Variants in JAG2 observed in about 807,000 individuals in gnomAD.
JAG2 encodes protein jagged-2.
JAG2 carries 46 observed loss-of-function variants against 141.7 expected under a neutral mutation model. The ratio of observed to expected loss-of-function variants is 0.32; its 90% CI spans 0.26 to 0.42. The LOEUF is 0.42. Among genes scored for constraint, JAG2 ranks in the 10% least tolerant of loss-of-function variants. JAG2 has a pLI of 1.00. For synonymous variants in JAG2, 862 were observed against 763.5 expected, an observed-to-expected ratio of 1.13 and a Z score of -2.13; for missense variants, 1,500 against 1,817.5, an observed-to-expected ratio of 0.83 and a Z score of 3.18.
chr14:105,151,115 G>C lies in JAG2; in HGVS notation c.1268-11C>G, dbSNP rs372743058. The stretch of plus-strand genomic sequence containing the variant: ...CACACTCATTGGCGTCTGTGAAAGA[G>C]ACAAGGTGGGAGCCGTGGGGCTCGG... On this transcript the variant is annotated splice_polypyrimidine_tract_variant and intron_variant, in intron 9 of 25. Coordinates refer to ENST00000331782, the MANE Select transcript of JAG2 (RefSeq NM_002226.5). 14 of 1,604,508 alleles carry C rather than the reference G, an allele frequency of 8.7e-6. No homozygotes were observed. The highest frequency in any genetic ancestry group is 1.2e-5 in the Non-Finnish European group (14 of 1,175,792).
At chr14:105,146,296 C>G (rs147034247) in intron 22 of JAG2, 89 bp downstream of exon 22, 4 of 1,200,148 alleles carry the variant, frequency 3.3e-6, no homozygotes, top group Middle Eastern at 2.7e-4. Flanking sequence ...CATCCGGACC[C>G]CAGCACCCGC....
Position 105,145,734 on chromosome 14 carries a change from G to A in JAG2, c.2949C>T (p.Pro983=). Residue 983 remains proline (P), a synonymous_variant, in exon 23 of 26, where the codon CCC becomes CCT. Coordinates refer to ENST00000331782, the MANE Select transcript of JAG2 (RefSeq NM_002226.5). Reference sequence around the variant, plus strand: ...CAGATGCCACCAGGCCCCTCACCTGGGGCACGTGGTCACGGTTGAAATGCA... The same window carrying A: ...CAGATGCCACCAGGCCCCTCACCTGAGGCACGTGGTCACGGTTGAAATGCA... ...LTLHFNRDHV[P]QGTTVGAICS... is the part of the protein sequence containing the mutation. 6.3e-7 allele frequency: 1 copy of A among 1,593,972 alleles called. No homozygotes were observed.
chr14:105,146,338 G>A (rs748804241), intron 22 of JAG2, 47 bp downstream of exon 22: 31 of 1,502,920 alleles, frequency 2.1e-5, no homozygotes, highest in South Asian at 1.1e-4. Context: ...CAGGGTCAGC[G>A]TGCACCAGCC....
intron 3 of JAG2, 144 bp from the exon 4 acceptor site, chr14:105,156,133 C>T (rs1387349846): frequency 5.5e-6 from 6 of 1,093,166 alleles, no homozygotes; most frequent in African/African-American, 1.6e-5. Flanking sequence ...GCAGGGCCCC[C>T]GGCCAGGCTG....
Position 105,154,496 on chromosome 14 carries a change from GC to G in JAG2, c.788+1065del, listed in dbSNP as rs1888523906. ...GCTCCACTCTAGGGCAAAGCTGCCAGCCCCCCTGGCTGGATCCCCCACACTC... is the reference window on the plus strand; with the variant it reads ...GCTCCACTCTAGGGCAAAGCTGCCAGCCCCCTGGCTGGATCCCCCACACTC... On this transcript the variant is annotated intron_variant, in intron 5 of 25. Coordinates refer to ENST00000331782, the MANE Select transcript of JAG2 (RefSeq NM_002226.5). The surrounding 1 kb of genome is among the most constrained non-coding windows in gnomAD (Gnocchi z 4.4). Among the ~76,000 whole-genome samples, 1 of 152,248 alleles carries G rather than the reference GC, an allele frequency of 6.6e-6. No homozygotes were observed. Among genetic ancestry groups the G allele is most frequent in the Non-Finnish European group, 1.5e-5 (1 of 67,998 alleles).
chr14:105,144,504 G>A (rs768894191), intron 24 of JAG2, among the ~76,000 whole-genome samples: 16 of 151,972 alleles, frequency 1.1e-4, no homozygotes, highest in African/African-American at 1.5e-4. Context: ...TCCCCTCTCC[G>A]GGCATGTCTC....
intron 2 of JAG2, among the ~76,000 whole-genome samples, chr14:105,162,127 T>G (rs587753802): frequency 6.6e-6 from 1 of 152,176 alleles, no homozygotes; most frequent in African/African-American, 2.4e-5. Context: ...ACCCATCACC[T>G]GCCCAGGTTC....
chr14:105,148,699 CA>C, intron 15 of JAG2, 45 bp downstream of exon 15: 2 of 1,482,844 alleles, frequency 1.3e-6, no homozygotes, highest in Non-Finnish European at 1.8e-6. Context: ...AAGGGGCCCA[CA>C]GGGGTGGAGG....
intron 2 of JAG2, among the ~76,000 whole-genome samples, chr14:105,165,566 T>C (rs1483128214): frequency 1.3e-5 from 2 of 151,862 alleles, no homozygotes; most frequent in African/African-American, 2.4e-5. Flanking sequence ...CCAGCACAGA[T>C]CCATGACTAA....
intron 4 of JAG2, 34 bp downstream of exon 4, chr14:105,155,704 C>A: frequency 1.2e-6 from 2 of 1,612,476 alleles, no homozygotes; most frequent in Non-Finnish European, 1.7e-6. Flanking sequence ...CCGAGGCCCT[C>A]CCTGCCCTCC....
At position 105,141,975 on chromosome 14, in the gene JAG2, T is replaced by C. The variant is rs1239146726; in HGVS notation, c.*720A>G. Reference sequence around the variant, plus strand: ...AGGAAGGGCACTTCTGAAAGCACAGTGGAGAGATCGCTGGAGCGGGCGTTC... The same window carrying C: ...AGGAAGGGCACTTCTGAAAGCACAGCGGAGAGATCGCTGGAGCGGGCGTTC... On this transcript the variant is annotated 3_prime_UTR_variant, in exon 26 of 26. Coordinates refer to ENST00000331782, the MANE Select transcript of JAG2 (RefSeq NM_002226.5). 6.6e-6 allele frequency: 1 copy of C among 152,450 alleles called. No homozygotes were observed. The highest frequency in any genetic ancestry group is 1.5e-5 in the Non-Finnish European group (1 of 68,102). The allele number at this position is 152,450 out of a possible 1,614,324, so 9.4% of individuals were successfully genotyped here.
At chr14:105,157,892 G>T in intron 2 of JAG2, 129 bp from the exon 3 acceptor site, 1 of 830,618 alleles carries the variant, frequency 1.2e-6, no homozygotes, top group Non-Finnish European at 2.0e-6. Flanking sequence ...TCCCCAGCCA[G>T]GGACCCACCA....
rs1250818300 is a variant in JAG2, at chr14:105,167,307, C to G, written c.417+450G>C. On this transcript the variant is annotated intron_variant, in intron 2 of 25. Transcript: ENST00000331782. This position sits in a 1 kb window ranked among gnomAD's most constrained non-coding sequence, Gnocchi z 4.8. ...GGTCCCACGGCGCCCGCCCGTGCCCCCCAGGCATCCAGGAAACTGCAGGGC... is the reference window on the plus strand; with the variant it reads ...GGTCCCACGGCGCCCGCCCGTGCCCGCCAGGCATCCAGGAAACTGCAGGGC... 6.6e-6 allele frequency among the ~76,000 whole-genome samples: 1 copy of G among 152,134 alleles called. No individual in the cohort carries two copies. Among genetic ancestry groups the G allele is most frequent in the Non-Finnish European group, 1.5e-5 (1 of 68,008 alleles).
chr14:105,164,996 G>C lies in JAG2; in HGVS notation c.417+2761C>G, dbSNP rs1243869120. ...TCCTCATAAGCCCAGATCTGTCACG[G>C]GGACCATGCTCCAGCCACACCACCC... On this transcript the variant is annotated intron_variant, in intron 2 of 25. Coordinates refer to ENST00000331782, the MANE Select transcript of JAG2 (RefSeq NM_002226.5). Among the ~76,000 whole-genome samples, 9 of 152,226 alleles carry C rather than the reference G, an allele frequency of 5.9e-5. No homozygotes were observed. The South Asian group carries it at 1.7e-3, about 28-fold the overall frequency.
intron 18 of JAG2, 68 bp from the exon 19 acceptor site, chr14:105,147,595 C>A (rs1888266768): frequency 6.5e-7 from 1 of 1,528,170 alleles, no homozygotes; most frequent in Non-Finnish European, 9.1e-7. Context: ...ACTGTCCAGG[C>A]TGGCTTGGCG....
intron 2 of JAG2, among the ~76,000 whole-genome samples, chr14:105,163,087 G>A (rs1030759478): frequency 2.0e-5 from 3 of 152,138 alleles, no homozygotes; most frequent in Admixed American, 6.5e-5. Flanking sequence ...CCCCACCAAC[G>A]CCCCGACTTG....
chr14:105,155,355 C>A (rs587708766), intron 5 of JAG2, among the ~76,000 whole-genome samples: 29 of 152,294 alleles, frequency 1.9e-4, no homozygotes, highest in African/African-American at 6.7e-4. Flanking sequence ...TCACTGTCCT[C>A]ACATGGCTGC....
At position 105,162,676 on chromosome 14, in the gene JAG2, T is replaced by A. The variant is rs61999507; in HGVS notation, c.418-4913A>T. 9.0e-4 allele frequency among the ~76,000 whole-genome samples: 46 copies of A among 51,272 alleles called. 5 individuals are homozygous for A. The highest frequency in any genetic ancestry group is 3.3e-3 in the African/African-American group (45 of 13,522). The allele number at this position is 51,272 out of a possible 152,430, so 33.6% of individuals were successfully genotyped here. A position where few individuals can be genotyped will look rare whatever the true frequency, so the allele number is the denominator to read the frequency against. ...AGGGCACCTTAAAGCCCAGGACACC[T>A]CAGGTCCAAGGCACCCAAAGTACAG... is the stretch of plus-strand genomic sequence containing the variant. On this transcript the variant is annotated intron_variant, in intron 2 of 25. Coordinates refer to ENST00000331782, the MANE Select transcript of JAG2 (RefSeq NM_002226.5).
rs1729310437 is a variant in JAG2, at chr14:105,168,735, C to G, written c.-315G>C. On this transcript the variant is annotated 5_prime_UTR_variant, in exon 1 of 26. Coordinates refer to ENST00000331782, the MANE Select transcript of JAG2 (RefSeq NM_002226.5). ...GGGTCCCGGCCTCGGCTCTGCGCGC[C>G]CGCGCTCCCGGCACCGCAGCCAACA... 1 of 170,766 alleles carries G rather than the reference C, an allele frequency of 5.9e-6. No homozygotes were observed. Among genetic ancestry groups the G allele is most frequent in the Non-Finnish European group, 1.2e-5 (1 of 81,602 alleles). 10.6% of individuals were successfully genotyped at this position (170,766 alleles called of 1,614,324 possible).
Sources: allele counts gnomAD v4.1 joint callset (sites outside exome capture counted in the v4.1 genomes callset), GRCh38; gene constraint gnomAD v4.1.1; non-coding constraint Gnocchi (gnomAD v3.1); transcripts MANE v1.5; gene names NCBI Gene and HGNC (gene_info 2026-07-23, HGNC 2026-07-21).